Variants in CFAP69 observed in about 807,000 individuals in gnomAD.
The protein encoded by CFAP69 is cilia and flagella associated protein 69.
A neutral mutation model predicts 123.0 loss-of-function variants in CFAP69; 92 were observed. That is an observed-to-expected ratio of 0.75 (90% CI 0.63 to 0.89). CFAP69 has a LOEUF of 0.89. Ranked by LOEUF, CFAP69 falls within the 40% of genes least tolerant of loss-of-function variation. The pLI, the probability that CFAP69 is intolerant of heterozygous loss-of-function variation, is 0.00. For missense variants in CFAP69, 1,067 were observed against 1,096.9 expected, an observed-to-expected ratio of 0.97 and a Z score of 0.39; for synonymous variants, 380 against 364.3, an observed-to-expected ratio of 1.04 and a Z score of -0.49.
In CFAP69 at chr7:90,282,966, A is replaced by T; in HGVS notation, c.1447A>T (p.Ser483Cys). 6.2e-7 allele frequency: 1 copy of T among 1,600,756 alleles called. No homozygotes were observed. The highest frequency in any genetic ancestry group is 8.5e-7 in the Non-Finnish European group (1 of 1,174,324). ...RGNKFAQMRY[S>C]LRLLRAVVYL... ...CAACAAGTTTGCCCAGATGCGTTAC[A>T]GTTTAAGACTCCTGAGAGCCGTGGT... The change falls in exon 13 of 23, where the codon AGT becomes TGT. Residue 483 changes from serine to cysteine, a missense_variant. Transcript: ENST00000389297.
intron 2 of CFAP69, among the ~76,000 whole-genome samples, chr7:90,256,102 G>A (rs143572696): frequency 3.3e-5 from 5 of 152,248 alleles, no homozygotes; most frequent in Non-Finnish European, 7.4e-5. Context: ...AATACGTATT[G>A]TTAGTAAGTA....
At chr7:90,311,954 G>A (rs868529414), downstream of CFAP69, among the ~76,000 whole-genome samples, 10 of 152,126 alleles carry the variant, frequency 6.6e-5, no homozygotes, top group Non-Finnish European at 1.0e-4. Flanking sequence ...AGCATACAAC[G>A]AGATGCCCAT....
At chr7:90,313,090 A>T (rs1325048462), downstream of CFAP69, among the ~76,000 whole-genome samples, 2 of 152,250 alleles carry the variant, frequency 1.3e-5, no homozygotes, top group Admixed American at 6.5e-5. Flanking sequence ...TTTTATATAC[A>T]ACTATATTAT....
chr7:90,279,941 C>A, intron 12 of CFAP69, 48 bp downstream of exon 12: 1 of 1,406,436 alleles, frequency 7.1e-7, no homozygotes, highest in Non-Finnish European at 9.6e-7. Flanking sequence ...CTTCATATTT[C>A]AACTGAATGC....
At chr7:90,265,963 A>G (rs997598568) in intron 5 of CFAP69, 16 of 152,154 alleles carry the variant, frequency 1.1e-4, no homozygotes, top group African/African-American at 3.6e-4. Flanking sequence ...TCAGGGAAAC[A>G]CTGGCTCTTT....
intron 6 of CFAP69, chr7:90,270,244 C>A (rs1374898279): frequency 6.6e-6 from 1 of 152,036 alleles, no homozygotes; most frequent in Non-Finnish European, 1.5e-5. Context: ...TAAAATGTAC[C>A]TGCAATAGAA....
chr7:90,279,833 T>C lies in CFAP69; in HGVS notation c.1312T>C (p.Tyr438His), dbSNP rs1789193283. 1 of 1,612,622 alleles carries C rather than the reference T, an allele frequency of 6.2e-7. No individual in the cohort carries two copies. The highest frequency in any genetic ancestry group is 8.5e-7 in the Non-Finnish European group (1 of 1,179,668). The change falls in exon 12 of 23, where the codon TAC (tyrosine) becomes CAC (histidine). Residue 438 changes from tyrosine (Y) to histidine (H), a missense_variant. By Grantham distance (83) the Tyr-to-His change is moderately conservative (BLOSUM62 2). Transcript: ENST00000389297. Reference sequence around the variant, plus strand: ...AGTGGCTCCTTTATTAATAGAAGAATACATGTCATGCCAGGGAAATGCTCG... The same window carrying C: ...AGTGGCTCCTTTATTAATAGAAGAACACATGTCATGCCAGGGAAATGCTCG... ...SSVAPLLIEE[Y>H]MSCQGNARVL...
At chr7:90,314,127 A>G (rs1210866733), downstream of CFAP69, among the ~76,000 whole-genome samples, 1 of 152,182 alleles carries the variant, frequency 6.6e-6, no homozygotes, top group East Asian at 1.9e-4. Context: ...CATCAAAAAC[A>G]TGGTCTGAGA....
downstream of CFAP69, among the ~76,000 whole-genome samples, chr7:90,314,283 T>G (rs1794577283): frequency 6.6e-6 from 1 of 152,178 alleles, no homozygotes; most frequent in African/African-American, 2.4e-5. Context: ...TGTATTGGTT[T>G]CAGTGTATTA....
intron 12 of CFAP69, among the ~76,000 whole-genome samples, chr7:90,280,249 G>T (rs1789272697): frequency 6.6e-6 from 1 of 152,156 alleles, no homozygotes; most frequent in African/African-American, 2.4e-5. Flanking sequence ...CCAGGCTATA[G>T]TGCAATGGCA....
chr7:90,262,366 C>T (rs1798450337), intron 4 of CFAP69, among the ~76,000 whole-genome samples: 1 of 152,056 alleles, frequency 6.6e-6, no homozygotes, highest in African/African-American at 2.4e-5. Context: ...TTTGAGTGAA[C>T]TTATGGATAT....
At chr7:90,250,251 T>G (rs1796850363) in intron 1 of CFAP69, among the ~76,000 whole-genome samples, 1 of 136,100 alleles carries the variant, frequency 7.3e-6, no homozygotes. Flanking sequence ...TGGTTGTCCA[T>G]TGAGGAGTCA....
At chr7:90,298,793 G>A (rs960307701) in intron 16 of CFAP69, among the ~76,000 whole-genome samples, 5 of 152,084 alleles carry the variant, frequency 3.3e-5, no homozygotes, top group African/African-American at 7.2e-5. Context: ...TGTATTTACT[G>A]TTATTATGAA....
chr7:90,285,611 A>G (rs1270154245), intron 13 of CFAP69, among the ~76,000 whole-genome samples: 1 of 152,234 alleles, frequency 6.6e-6, no homozygotes, highest in Admixed American at 6.5e-5. Flanking sequence ...GGAAAGATGC[A>G]GAAAGCAATA....
chr7:90,316,045 G>A (rs989730089), downstream of CFAP69, among the ~76,000 whole-genome samples: 1 of 152,158 alleles, frequency 6.6e-6, no homozygotes, highest in Non-Finnish European at 1.5e-5. Context: ...AGTGAGCCAA[G>A]ATCACGCCAT....
At chr7:90,267,925 C>T (rs1423460621) in intron 5 of CFAP69, among the ~76,000 whole-genome samples, 1 of 152,142 alleles carries the variant, frequency 6.6e-6, no homozygotes, top group African/African-American at 2.4e-5. Context: ...GTTATACCTG[C>T]TTAATAGATG....
At chr7:90,261,426 G>C (rs1798322819) in intron 3 of CFAP69, among the ~76,000 whole-genome samples, 1 of 152,126 alleles carries the variant, frequency 6.6e-6, no homozygotes, top group South Asian at 2.1e-4. Context: ...TCCATATTTT[G>C]CTTTCATATT....
chr7:90,277,361 C>A (rs1358776878), intron 11 of CFAP69, 27 bp downstream of exon 11: 4 of 1,435,026 alleles, frequency 2.8e-6, no homozygotes, highest in Non-Finnish European at 3.7e-6. Flanking sequence ...GCAGGAAAAT[C>A]AATAAAAATT....
chr7:90,293,757 G>A (rs1232207329), intron 15 of CFAP69, among the ~76,000 whole-genome samples: 3 of 152,134 alleles, frequency 2.0e-5, no homozygotes, highest in African/African-American at 7.2e-5. Context: ...TTCTAATTAT[G>A]TACTAGGCAT....
Sources: gnomAD v4.1 joint callset for allele counts (sites outside exome capture counted in the v4.1 genomes callset) on GRCh38, gnomAD v4.1.1 for gene constraint, MANE v1.5 for transcripts, NCBI Gene and HGNC (gene_info 2026-07-23, HGNC 2026-07-21) for gene names.